The following AGBL1 variants were observed in gnomAD, a reference collection of about 807,000 sequenced individuals.
AGBL1 encodes the protein AGBL carboxypeptidase 1.
Under a neutral mutation model 118.9 loss-of-function variants are expected in AGBL1, and 130 were observed. That is an observed-to-expected ratio of 1.09 (90% CI 0.95 to 1.26). The LOEUF (loss-of-function observed/expected upper bound fraction) is 1.26, where lower values mean the gene tolerates loss of function less well. Ranked by LOEUF, AGBL1 falls within the 50% of genes most tolerant of loss-of-function variation. The pLI is 0.00. For synonymous variants in AGBL1, 555 were observed against 478.9 expected, an observed-to-expected ratio of 1.16 and a Z score of -2.08; for missense variants, 1,584 against 1,298.1, an observed-to-expected ratio of 1.22 and a Z score of -3.38.
In AGBL1 at chr15:86,832,746, C is replaced by T. The variant is rs113060353; in HGVS notation, c.3159-74341C>T. ...AAACTTTCCCACATCTTCCTGCCTTCTTCTGAGTCCTTCAGACTGTTCCAA... is the reference window on the plus strand; with the variant it reads ...AAACTTTCCCACATCTTCCTGCCTTTTTCTGAGTCCTTCAGACTGTTCCAA... On this transcript the variant is annotated intron_variant, in intron 22 of 22. Transcript: ENST00000614907. Among the ~76,000 whole-genome samples the T allele has an allele frequency of 8.0e-3, 1,222 of 152,294 alleles. 20 individuals carry two copies. Among genetic ancestry groups the T allele is most frequent in the African/African-American group, 0.028 (1,171 of 41,570 alleles).
chr15:86,596,441 TC>T (rs2084405912), intron 21 of AGBL1, among the ~76,000 whole-genome samples: 4 of 152,198 alleles, frequency 2.6e-5, no homozygotes, highest in Admixed American at 2.6e-4. Flanking sequence ...CTCCTATTAA[TC>T]TTCTTTCTGA....
intron 7 of AGBL1, among the ~76,000 whole-genome samples, chr15:86,253,568 G>C (rs550414749): frequency 5.9e-5 from 9 of 152,094 alleles, no homozygotes; most frequent in Admixed American, 2.6e-4. Context: ...TTGTAAGGAG[G>C]CACGAAGGAG....
intron 5 of AGBL1, among the ~76,000 whole-genome samples, chr15:86,210,699 T>G (rs954078522): frequency 9.9e-5 from 15 of 152,194 alleles, no homozygotes; most frequent in Non-Finnish European, 1.5e-4. Context: ...ACTGTTTATT[T>G]TAGTTAGCCA....
rs1203587529 is a variant in AGBL1, at chr15:86,215,195, C to CTG, written c.489-9706_489-9705dup. ...TACCACTTTTCTTGGTCACCTGGCT[C>CTG]TGTGTGTGTGTGTGAGTGTATATGT... On this transcript the variant is annotated intron_variant, in intron 5 of 22. Coordinates refer to ENST00000614907, the MANE Select transcript of AGBL1 (RefSeq NM_001386094.1). Among the ~76,000 whole-genome samples, 13 of 146,520 alleles carry CTG rather than the reference C, an allele frequency of 8.9e-5. No individual in the cohort carries two copies. The East Asian group carries it at 1.0e-3, about 11-fold the overall frequency.
intron 23 of AGBL1, among the ~76,000 whole-genome samples, chr15:86,935,355 A>G (rs755688368): frequency 6.6e-6 from 1 of 152,216 alleles, no homozygotes; most frequent in African/African-American, 2.4e-5. Context: ...ACACGTGAAT[A>G]CATTGGTGGT....
intron 22 of AGBL1, among the ~76,000 whole-genome samples, chr15:86,791,560 T>C (rs1212743608): frequency 6.6e-6 from 1 of 152,050 alleles, no homozygotes; most frequent in African/African-American, 2.4e-5. Context: ...CACAGAAATG[T>C]TGCCTACCTT....
intron 17 of AGBL1, among the ~76,000 whole-genome samples, chr15:86,378,277 C>A (rs945467304): frequency 2.0e-5 from 3 of 152,152 alleles, no homozygotes; most frequent in African/African-American, 7.2e-5. Flanking sequence ...TATCATATTT[C>A]TCAAAACCCT....
chr15:86,318,505 C>T lies in AGBL1; in HGVS notation c.2374+23097C>T, dbSNP rs2080052697. 2.0e-5 allele frequency among the ~76,000 whole-genome samples: 3 copies of T among 151,048 alleles called. No homozygotes were observed. The South Asian group carries it at 6.3e-4, about 32-fold the overall frequency. On this transcript the variant is annotated intron_variant, in intron 17 of 22. Transcript: ENST00000614907. ...TTTTACTCAATGTTTTTTTTTTTCC[C>T]ATTCATCCACACAGACGTGTGTAGC...
At chr15:86,203,497 G>A (rs2077940591) in intron 5 of AGBL1, among the ~76,000 whole-genome samples, 1 of 152,168 alleles carries the variant, frequency 6.6e-6, no homozygotes, top group African/African-American at 2.4e-5. Flanking sequence ...ATAAGAAACT[G>A]TGGTGTTTCA....
intron 22 of AGBL1, among the ~76,000 whole-genome samples, chr15:86,896,627 T>C (rs921622313): frequency 6.6e-6 from 1 of 152,184 alleles, no homozygotes; most frequent in African/African-American, 2.4e-5. Flanking sequence ...TCTCTATTTT[T>C]TGTTTCTTTT....
At chr15:86,360,256 T>C (rs752929886) in intron 17 of AGBL1, among the ~76,000 whole-genome samples, 1 of 151,914 alleles carries the variant, frequency 6.6e-6, no homozygotes, top group Non-Finnish European at 1.5e-5. Context: ...CAATCATGAA[T>C]GGATATTGAA....
At chr15:86,949,572 C>T (rs2080857726) in intron 23 of AGBL1, among the ~76,000 whole-genome samples, 2 of 151,590 alleles carry the variant, frequency 1.3e-5, no homozygotes, top group Non-Finnish European at 2.9e-5. Context: ...GACTCTGAGA[C>T]AAAAAATACT....
chr15:86,942,806 TAAG>T (rs2080770472), intron 23 of AGBL1, among the ~76,000 whole-genome samples: 1 of 152,214 alleles, frequency 6.6e-6, no homozygotes, highest in African/African-American at 2.4e-5. Context: ...TTTCTACTTA[TAAG>T]GAGGCTAATG....
intron 18 of AGBL1, among the ~76,000 whole-genome samples, chr15:86,478,788 C>A (rs897801627): frequency 1.3e-5 from 2 of 152,036 alleles, no homozygotes; most frequent in Non-Finnish European, 2.9e-5. Context: ...AATCCTAAGC[C>A]AAAAGAACAA....
At chr15:86,689,891 G>A (rs1209326458) in intron 22 of AGBL1, among the ~76,000 whole-genome samples, 1 of 152,144 alleles carries the variant, frequency 6.6e-6, no homozygotes, top group Non-Finnish European at 1.5e-5. Flanking sequence ...CACCTTGGAA[G>A]AGTACACGGT....
chr15:86,211,275 G>A (rs972809752), intron 5 of AGBL1, among the ~76,000 whole-genome samples: 4 of 152,214 alleles, frequency 2.6e-5, no homozygotes, highest in Non-Finnish European at 5.9e-5. Flanking sequence ...GTGTCTCCCA[G>A]TTAGGCTACA....
chr15:86,110,048 T>C (rs559867582), intron 1 of AGBL1: 1 of 152,330 alleles, frequency 6.6e-6, no homozygotes, highest in East Asian at 1.9e-4. Context: ...TACAAAATCA[T>C]ATGTCTATGT....
At chr15:86,342,662 C>T (rs939640871) in intron 17 of AGBL1, among the ~76,000 whole-genome samples, 4 of 152,082 alleles carry the variant, frequency 2.6e-5, no homozygotes, top group Non-Finnish European at 5.9e-5. Flanking sequence ...TTTAGATCTC[C>T]GATCTGCCCC....
intron 5 of AGBL1, among the ~76,000 whole-genome samples, chr15:86,182,401 T>G (rs931216635): frequency 6.6e-6 from 1 of 152,120 alleles, no homozygotes; most frequent in Non-Finnish European, 1.5e-5. Flanking sequence ...TCCTATCTGC[T>G]GTTTACTGTC....
Sources: gnomAD v4.1 joint callset for allele counts (sites outside exome capture counted in the v4.1 genomes callset) on GRCh38, gnomAD v4.1.1 for gene constraint, MANE v1.5 for transcripts, NCBI Gene and HGNC (gene_info 2026-07-23, HGNC 2026-07-21) for gene names.